BCAS3: variants seen among roughly 807,000 people sequenced by gnomAD.
BCAS3 encodes BCAS4/BCAS3 fusion.
A neutral mutation model predicts 116.1 loss-of-function variants in BCAS3; 53 were observed. The observed-to-expected ratio is 0.46, with a 90% CI of 0.37 to 0.57. The LOEUF is 0.57. BCAS3 is among the 20% of genes least tolerant of loss of function. The probability of loss-of-function intolerance (pLI) is 0.00; values close to 1 mark genes in which losing one functional copy is unlikely to be tolerated. For synonymous variants in BCAS3, 391 were observed against 408.2 expected, an observed-to-expected ratio of 0.96 and a Z score of 0.51; for missense variants, 917 against 1,165.4, an observed-to-expected ratio of 0.79 and a Z score of 3.10.
At chr17:61,070,390 T>C (rs1600968250) in intron 19 of BCAS3, 1 of 171,612 alleles carries the variant, frequency 5.8e-6, no homozygotes. Flanking sequence ...TATATATATA[T>C]ATATATATAT....
At chr17:60,751,017 G>A (rs757071996) in intron 6 of BCAS3, among the ~76,000 whole-genome samples, 10 of 152,142 alleles carry the variant, frequency 6.6e-5, no homozygotes, top group Non-Finnish European at 1.3e-4. Flanking sequence ...TTGCTGGATT[G>A]TATAATACTT....
chr17:60,776,531 C>T (rs919151002), intron 6 of BCAS3, among the ~76,000 whole-genome samples: 1 of 151,868 alleles, frequency 6.6e-6, no homozygotes, highest in African/African-American at 2.4e-5. Flanking sequence ...CTAGCCTGAC[C>T]AACATAGTGA....
chr17:61,117,438 A>T (rs947261757), intron 22 of BCAS3, among the ~76,000 whole-genome samples: 2 of 152,038 alleles, frequency 1.3e-5, no homozygotes, highest in Admixed American at 1.3e-4. Flanking sequence ...ACAAGAAAAA[A>T]TTAAAAATTA....
chr17:60,682,604 C>T (rs781350198), intron 2 of BCAS3, among the ~76,000 whole-genome samples: 24 of 152,056 alleles, frequency 1.6e-4, no homozygotes, highest in Non-Finnish European at 2.5e-4. Context: ...CTCACTGCAA[C>T]CTCCACCTCT....
rs1012638043 is a variant in BCAS3, at chr17:61,020,459, G to A, written c.1637+4558G>A. ...CTCTGTGACAGTATACATTGATGGA[G>A]GTAAAAGAAGTGTTAGACATTATTT... On this transcript the variant is annotated intron_variant, in intron 16 of 23. Coordinates refer to ENST00000407086, the MANE Select transcript of BCAS3 (RefSeq NM_017679.5). The surrounding 1 kb of genome is among the most constrained non-coding windows in gnomAD (Gnocchi z 4.5). 1.3e-5 allele frequency among the ~76,000 whole-genome samples: 2 copies of A among 152,166 alleles called. No homozygotes were observed. The highest frequency in any genetic ancestry group is 4.8e-5 in the African/African-American group (2 of 41,418).
intron 7 of BCAS3, among the ~76,000 whole-genome samples, chr17:60,831,629 C>G (rs76791229): frequency 0.22 from 33,300 of 152,006 alleles, 4,710 homozygotes; most frequent in African/African-American, 0.41. Context: ...TGTGAGATGA[C>G]TGGCATGTTA....
chr17:61,004,558 G>A lies in BCAS3; in HGVS notation c.1487-11193G>A, dbSNP rs2064511347. On this transcript the variant is annotated intron_variant, in intron 15 of 23. Transcript: ENST00000407086. This position sits in a 1 kb window ranked among gnomAD's most constrained non-coding sequence, Gnocchi z 4.8. Reference sequence around the variant, plus strand: ...AGCAGGAACTAGAAATCTGCTAGTTGATAGTTGTAAACTACAAAAGGACAA... The same window carrying A: ...AGCAGGAACTAGAAATCTGCTAGTTAATAGTTGTAAACTACAAAAGGACAA... Among the ~76,000 whole-genome samples the A allele has an allele frequency of 6.6e-6, 1 of 152,088 alleles. No homozygotes were observed. Among genetic ancestry groups the A allele is most frequent in the Non-Finnish European group, 1.5e-5 (1 of 67,998 alleles).
At chr17:61,318,741 C>T (rs2054948747) in intron 22 of BCAS3, among the ~76,000 whole-genome samples, 1 of 152,188 alleles carries the variant, frequency 6.6e-6, no homozygotes, top group Admixed American at 6.5e-5. Context: ...GTTTCATCTC[C>T]CATTATTAAG....
At chr17:60,974,992 C>G (rs60163391) in intron 14 of BCAS3, among the ~76,000 whole-genome samples, 4 of 142,090 alleles carry the variant, frequency 2.8e-5, no homozygotes, top group African/African-American at 8.9e-5. Context: ...GTTTTTTTTG[C>G]TTTTTTGTTT....
intron 11 of BCAS3, among the ~76,000 whole-genome samples, chr17:60,903,820 G>C (rs2058048147): frequency 6.6e-6 from 1 of 152,196 alleles, no homozygotes. Context: ...AGCTGAGAGA[G>C]AGTATTTAGA....
intron 22 of BCAS3, among the ~76,000 whole-genome samples, chr17:61,206,992 AG>A (rs2081182862): frequency 1.3e-5 from 2 of 151,748 alleles, no homozygotes; most frequent in African/African-American, 4.8e-5. Flanking sequence ...CAGATATGTC[AG>A]GGGAAGAAGT....
In BCAS3 at chr17:61,065,648, A is replaced by T. The variant is rs1055703310; in HGVS notation, c.2030-9272A>T. Among the ~76,000 whole-genome samples the T allele has an allele frequency of 5.3e-5, 8 of 152,330 alleles. No individual in the cohort carries two copies. The highest frequency in any genetic ancestry group is 1.0e-4 in the Non-Finnish European group (7 of 68,010). On this transcript the variant is annotated intron_variant, in intron 19 of 23. Coordinates refer to ENST00000407086, the MANE Select transcript of BCAS3 (RefSeq NM_017679.5). This position sits in a 1 kb window ranked among gnomAD's most constrained non-coding sequence, Gnocchi z 4.8. ...AACATTATTCATCTCTCAGGTCTCCACTAAAAACTTTCACGTGCTAAGGGT... is the reference window on the plus strand; with the variant it reads ...AACATTATTCATCTCTCAGGTCTCCTCTAAAAACTTTCACGTGCTAAGGGT...
intron 14 of BCAS3, among the ~76,000 whole-genome samples, chr17:60,966,776 C>G (rs900610245): frequency 9.2e-5 from 14 of 151,634 alleles, no homozygotes; most frequent in Admixed American, 4.6e-4. Context: ...CCTCAGCCTC[C>G]TGAGTAGCTG....
intron 7 of BCAS3, among the ~76,000 whole-genome samples, chr17:60,824,810 G>A (rs1297090073): frequency 1.3e-5 from 2 of 152,132 alleles, no homozygotes; most frequent in Non-Finnish European, 2.9e-5. Flanking sequence ...CCGATGTGTT[G>A]TTTTCTGGAA....
At chr17:60,945,736 G>C (rs1200693822) in intron 13 of BCAS3, among the ~76,000 whole-genome samples, 1 of 151,980 alleles carries the variant, frequency 6.6e-6, no homozygotes, top group Non-Finnish European at 1.5e-5. Context: ...AGGAAGTGGA[G>C]GTTGCAGTGA....
Position 61,026,087 on chromosome 17 carries a change from G to T in BCAS3, c.1638-8579G>T, listed in dbSNP as rs2066224515. 1.3e-5 allele frequency among the ~76,000 whole-genome samples: 2 copies of T among 152,040 alleles called. No individual in the cohort carries two copies. The highest frequency in any genetic ancestry group is 6.6e-5 in the Admixed American group (1 of 15,246). On this transcript the variant is annotated intron_variant, in intron 16 of 23. Transcript: ENST00000407086. This position sits in a 1 kb window ranked among gnomAD's most constrained non-coding sequence, Gnocchi z 5.0. ...CTCAGTTTTCTTTATGTGCAGATGT[G>T]CATGGCATATCTTAAATGCTAGGAA...
chr17:60,749,673 C>T (rs2042285262), intron 6 of BCAS3, among the ~76,000 whole-genome samples: 1 of 151,964 alleles, frequency 6.6e-6, no homozygotes, highest in African/African-American at 2.4e-5. Context: ...CAATTATTTT[C>T]TGCTGTTATG....
intron 7 of BCAS3, among the ~76,000 whole-genome samples, chr17:60,821,212 G>A (rs750703336): frequency 3.3e-5 from 5 of 152,164 alleles, no homozygotes; most frequent in Non-Finnish European, 5.9e-5. Flanking sequence ...CTTCTAAAGC[G>A]CTGGGATTAC....
At chr17:61,150,312 G>T (rs1011189743) in intron 22 of BCAS3, among the ~76,000 whole-genome samples, 1 of 152,214 alleles carries the variant, frequency 6.6e-6, no homozygotes, top group East Asian at 1.9e-4. Context: ...ACCCGATCAG[G>T]TTGCTGTTGG....
Sources: allele counts gnomAD v4.1 joint callset (sites outside exome capture counted in the v4.1 genomes callset), GRCh38; gene constraint gnomAD v4.1.1; non-coding constraint Gnocchi (gnomAD v3.1); transcripts MANE v1.5; gene names NCBI Gene and HGNC (gene_info 2026-07-23, HGNC 2026-07-21).